Variants in DPP10 observed in about 807,000 individuals in gnomAD.
The protein encoded by DPP10 is dipeptidyl peptidase like 10.
DPP10 carries 33 observed loss-of-function variants against 120.9 expected under a neutral mutation model. The ratio of observed to expected loss-of-function variants is 0.27; its 90% CI spans 0.21 to 0.37. The LOEUF is 0.37. Ranked by LOEUF, DPP10 falls within the 10% of genes least tolerant of loss-of-function variation. DPP10 has a pLI of 1.00. For missense variants in DPP10, 816 were observed against 942.8 expected, an observed-to-expected ratio of 0.87 and a Z score of 1.76; for synonymous variants, 337 against 326.1, an observed-to-expected ratio of 1.03 and a Z score of -0.36.
chr2:115,391,490 G>A (rs1430607585), intron 3 of DPP10, among the ~76,000 whole-genome samples: 1 of 152,134 alleles, frequency 6.6e-6, no homozygotes, highest in African/African-American at 2.4e-5. Flanking sequence ...CAGCACATGA[G>A]TTGGTGTCAG....
At chr2:115,621,748 C>T (rs1449704365) in intron 5 of DPP10, among the ~76,000 whole-genome samples, 5 of 152,260 alleles carry the variant, frequency 3.3e-5, no homozygotes, top group Non-Finnish European at 5.9e-5. Context: ...GTTGCGATCT[C>T]GGCTCACTGC....
intron 1 of DPP10, among the ~76,000 whole-genome samples, chr2:114,825,186 C>T (rs541413969): frequency 2.4e-4 from 36 of 152,150 alleles, no homozygotes; most frequent in African/African-American, 7.5e-4. Flanking sequence ...CTGTAGGCTC[C>T]GAGAGTGACT....
At chr2:115,167,420 CAAAA>C (rs1214348603) in intron 1 of DPP10, among the ~76,000 whole-genome samples, 7 of 150,972 alleles carry the variant, frequency 4.6e-5, no homozygotes, top group Non-Finnish European at 1.0e-4. Context: ...AAACAAAAAA[CAAAA>C]AAGAAAATAA....
At chr2:115,369,936 G>A (rs1177856304) in intron 3 of DPP10, among the ~76,000 whole-genome samples, 2 of 152,002 alleles carry the variant, frequency 1.3e-5, no homozygotes, top group South Asian at 2.1e-4. Context: ...AGAGCTGCAC[G>A]TGGAAGAAAA....
intron 1 of DPP10, among the ~76,000 whole-genome samples, chr2:114,679,060 C>T (rs1698850737): frequency 6.6e-6 from 1 of 152,022 alleles, no homozygotes; most frequent in South Asian, 2.1e-4. Flanking sequence ...AGTCGCCATT[C>T]CAATATTGTC....
chr2:114,563,093 GC>G (rs1261209481), intron 1 of DPP10, among the ~76,000 whole-genome samples: 1 of 152,178 alleles, frequency 6.6e-6, no homozygotes, highest in Non-Finnish European at 1.5e-5. Context: ...CATAAAACTG[GC>G]TGGGCGCAGT....
At chr2:114,795,796 TATC>T (rs1683655336) in intron 1 of DPP10, among the ~76,000 whole-genome samples, 1 of 152,218 alleles carries the variant, frequency 6.6e-6, no homozygotes. Flanking sequence ...TAGTCTATTT[TATC>T]ATTTACTAAT....
At chr2:114,943,462 T>C (rs529402129) in intron 1 of DPP10, among the ~76,000 whole-genome samples, 2 of 152,046 alleles carry the variant, frequency 1.3e-5, no homozygotes, top group Non-Finnish European at 2.9e-5. Flanking sequence ...TTAGTAGAGA[T>C]AGGGTTTCAC....
At chr2:114,588,714 T>A (rs1573730869) in intron 1 of DPP10, among the ~76,000 whole-genome samples, 1 of 152,278 alleles carries the variant, frequency 6.6e-6, no homozygotes, top group East Asian at 1.9e-4. Context: ...TTTTCCTATA[T>A]AAAGGGGCTA....
intron 10 of DPP10, among the ~76,000 whole-genome samples, chr2:115,752,419 A>G (rs911959394): frequency 2.0e-5 from 3 of 152,352 alleles, no homozygotes; most frequent in South Asian, 2.1e-4. Context: ...ATCACCAGTT[A>G]CCATGAGGAC....
At chr2:115,624,097 C>T (rs1242809628) in intron 5 of DPP10, among the ~76,000 whole-genome samples, 2 of 151,938 alleles carry the variant, frequency 1.3e-5, no homozygotes, top group Non-Finnish European at 2.9e-5. Context: ...TATTGGATTC[C>T]TGTCTTTCAT....
At chr2:114,511,935 T>G (rs898442936) in intron 1 of DPP10, among the ~76,000 whole-genome samples, 2 of 152,230 alleles carry the variant, frequency 1.3e-5, no homozygotes, top group Non-Finnish European at 2.9e-5. Context: ...CCATAAATGT[T>G]GTCTCTTGCT....
intron 1 of DPP10, among the ~76,000 whole-genome samples, chr2:114,497,153 A>G (rs961930370): frequency 7.0e-6 from 1 of 143,346 alleles, no homozygotes; most frequent in East Asian, 2.0e-4. Context: ...ACGTGTATAC[A>G]TGTAGGTGTA....
chr2:114,913,481 T>C (rs1694538137), intron 1 of DPP10, among the ~76,000 whole-genome samples: 1 of 152,128 alleles, frequency 6.6e-6, no homozygotes, highest in Admixed American at 6.5e-5. Context: ...AATCCTAGGA[T>C]TGCTGAGCTG....
intron 5 of DPP10, among the ~76,000 whole-genome samples, chr2:115,669,385 T>G (rs1359144815): frequency 6.6e-6 from 1 of 152,118 alleles, no homozygotes; most frequent in East Asian, 1.9e-4. Flanking sequence ...AGGATAAGAA[T>G]GCAAACGGGA....
At chr2:115,379,795 T>G (rs2066149452) in intron 3 of DPP10, among the ~76,000 whole-genome samples, 1 of 152,224 alleles carries the variant, frequency 6.6e-6, no homozygotes, top group Non-Finnish European at 1.5e-5. Flanking sequence ...TATTTCTGCC[T>G]TCATTTCATT....
At chr2:115,207,563 G>GTTGTA (rs2056231644) in intron 1 of DPP10, among the ~76,000 whole-genome samples, 1 of 151,552 alleles carries the variant, frequency 6.6e-6, no homozygotes, top group South Asian at 2.1e-4. Context: ...GTAGAAGTTA[G>GTTGTA]TTGTATCACA....
chr2:115,083,999 TTC>T (rs1708493334), intron 1 of DPP10, among the ~76,000 whole-genome samples: 1 of 152,190 alleles, frequency 6.6e-6, no homozygotes, highest in African/African-American at 2.4e-5. Flanking sequence ...CAGGTTAGTT[TTC>T]TTTCAGGTGT....
chr2:114,983,859 G>T (rs1487907891), intron 1 of DPP10, among the ~76,000 whole-genome samples: 1 of 152,106 alleles, frequency 6.6e-6, no homozygotes, highest in Non-Finnish European at 1.5e-5. Flanking sequence ...GCCTGGAGAG[G>T]TTAAGCAATT....
Sources: gnomAD v4.1 joint callset for allele counts (sites outside exome capture counted in the v4.1 genomes callset) on GRCh38, gnomAD v4.1.1 for gene constraint, MANE v1.5 for transcripts, NCBI Gene and HGNC (gene_info 2026-07-23, HGNC 2026-07-21) for gene names.